Variants in BICD1 observed in about 807,000 individuals in gnomAD.
BICD1 encodes BICD cargo adaptor 1, also known as protein bicaudal D homolog 1.
BICD1 carries 35 observed loss-of-function variants against 92.5 expected under a neutral mutation model. The ratio of observed to expected loss-of-function variants is 0.38; its 90% confidence interval spans 0.29 to 0.50. BICD1 has a LOEUF of 0.50. BICD1 is among the 20% of genes least tolerant of loss of function. BICD1 has a pLI of 0.93. For synonymous variants in BICD1, 429 were observed against 465.1 expected (o/e 0.92, Z 1.00); for missense variants, 950 against 1,189.8 (o/e 0.80, Z 2.97).
At chr12:32,269,446 G>A (rs1947080525) in intron 2 of BICD1, among the ~76,000 whole-genome samples, 1 of 152,116 alleles carries the variant, frequency 6.6e-6, no homozygotes, top group African/African-American at 2.4e-5. Context: ...TATTAAGTGA[G>A]AACTTTAACA....
rs765654340 is a variant in BICD1, at chr12:32,346,657, T to TATACAC, written c.2764+7679_2764+7680insTACACA. ...ATACGTGTATATATATATATATATA[T>TATACAC]ACACACACACACGCACACACACACA... is the stretch of plus-strand genomic sequence containing the variant. On this transcript the variant is annotated intron_variant, in intron 8 of 9. Transcript: ENST00000652176. 6.1e-4 allele frequency among the ~76,000 whole-genome samples: 9 copies of TATACAC among 14,790 alleles called. 2 individuals are homozygous for TATACAC. Among genetic ancestry groups the TATACAC allele is most frequent in the Non-Finnish European group, 1.1e-3 (8 of 7,162 alleles). The allele number at this position is 14,790 out of a possible 152,430, so 9.7% of individuals were successfully genotyped here.
intron 2 of BICD1, among the ~76,000 whole-genome samples, chr12:32,263,456 G>C (rs1053638208): frequency 6.6e-6 from 1 of 150,932 alleles, no homozygotes; most frequent in Admixed American, 6.6e-5. Context: ...CTGAGGCAGA[G>C]AACTGGTTGA....
chr12:32,159,966 A>G (rs1592393054), intron 1 of BICD1, among the ~76,000 whole-genome samples: 1 of 152,208 alleles, frequency 6.6e-6, no homozygotes, highest in Non-Finnish European at 1.5e-5. Context: ...GGTCTCCACC[A>G]TTTCCTAGTT....
At chr12:32,198,324 ATCTATCTATATATATAT>A (rs1944788970) in intron 1 of BICD1, among the ~76,000 whole-genome samples, 1 of 57,838 alleles carries the variant, frequency 1.7e-5, no homozygotes, top group Non-Finnish European at 3.9e-5. Context: ...AATAATATGC[ATCTATCTATATATATAT>A]ATATATATAT....
chr12:32,307,254 A>G (rs1470619952), intron 4 of BICD1, among the ~76,000 whole-genome samples: 1 of 152,240 alleles, frequency 6.6e-6, no homozygotes, highest in Non-Finnish European at 1.5e-5. Flanking sequence ...GATTAAAAAT[A>G]CAGAACAGGT....
At position 32,115,386 on chromosome 12, in the gene BICD1, G is replaced by GTT. The variant is rs149711623; in HGVS notation, c.213+7842_213+7843insTT. On this transcript the variant is annotated intron_variant, in intron 1 of 9. Coordinates refer to ENST00000652176, the MANE Select transcript of BICD1 (RefSeq NM_001714.4). ...GGGTTTTTGTGTGTGTGGTGTTTTT[G>GTT]GTTTTTTTTTTTTTGCTGTTTTTCT... 3.6e-3 allele frequency among the ~76,000 whole-genome samples: 349 copies of GTT among 97,778 alleles called. 1 individual carries two copies. Among genetic ancestry groups the GTT allele is most frequent in the African/African-American group, 0.013 (317 of 24,738 alleles). The allele number at this position is 97,778 out of a possible 152,430, so 64.1% of individuals were successfully genotyped here.
intron 2 of BICD1, among the ~76,000 whole-genome samples, chr12:32,246,748 TC>T (rs1457478356): frequency 6.6e-6 from 1 of 152,204 alleles, no homozygotes; most frequent in African/African-American, 2.4e-5. Context: ...TTGAACACTG[TC>T]TTTTTGCCAG....
At position 32,130,360 on chromosome 12, in the gene BICD1, C is replaced by T. The variant is rs536307588; in HGVS notation, c.213+22816C>T. On this transcript the variant is annotated intron_variant, in intron 1 of 9. Transcript: ENST00000652176. ...CTGGGACTACAGGCGCCTGCCACCG[C>T]GCTCGGCTAACTTTTTGTGTTTTTA... Among the ~76,000 whole-genome samples the T allele has an allele frequency of 3.9e-5, 6 of 152,230 alleles. No individual in the cohort carries two copies. The South Asian group carries it at 1.0e-3, about 26-fold the overall frequency.
intron 2 of BICD1, among the ~76,000 whole-genome samples, chr12:32,260,348 T>C (rs1946826409): frequency 6.6e-6 from 1 of 152,246 alleles, no homozygotes; most frequent in Non-Finnish European, 1.5e-5. Flanking sequence ...CATTTGGAAC[T>C]GAGTTGTAGC....
intron 4 of BICD1, among the ~76,000 whole-genome samples, chr12:32,320,598 G>A (rs1176934762): frequency 6.6e-6 from 1 of 152,048 alleles, no homozygotes; most frequent in African/African-American, 2.4e-5. Context: ...CCAAGATCAC[G>A]CCACTGCACT....
intron 2 of BICD1, among the ~76,000 whole-genome samples, chr12:32,245,119 G>A (rs1331151707): frequency 6.6e-6 from 1 of 151,842 alleles, no homozygotes; most frequent in Non-Finnish European, 1.5e-5. Context: ...AAAAATAATA[G>A]TAAACAAATA....
At chr12:32,240,715 C>A (rs1477747183) in intron 2 of BICD1, among the ~76,000 whole-genome samples, 1 of 152,132 alleles carries the variant, frequency 6.6e-6, no homozygotes, top group African/African-American at 2.4e-5. Context: ...AATACTCAGC[C>A]ACAGAGGTGA....
intron 2 of BICD1, among the ~76,000 whole-genome samples, chr12:32,276,400 C>T (rs1279622321): frequency 1.3e-5 from 2 of 152,170 alleles, no homozygotes; most frequent in African/African-American, 4.8e-5. Context: ...AATCCCTAAG[C>T]CTAGCTGGGA....
chr12:32,357,664 T>TG (rs1234922272), intron 8 of BICD1, among the ~76,000 whole-genome samples: 1 of 152,188 alleles, frequency 6.6e-6, no homozygotes, highest in Non-Finnish European at 1.5e-5. Context: ...TGTTTTCTCC[T>TG]GAGGTCTCCG....
intron 8 of BICD1, among the ~76,000 whole-genome samples, chr12:32,351,498 A>G (rs1422012618): frequency 6.7e-6 from 1 of 150,016 alleles, no homozygotes; most frequent in Non-Finnish European, 1.5e-5. Flanking sequence ...AAAAAAAAAA[A>G]AAAAAAAAAA....
chr12:32,208,268 C>T (rs889241165), intron 1 of BICD1, among the ~76,000 whole-genome samples: 1 of 152,212 alleles, frequency 6.6e-6, no homozygotes, highest in African/African-American at 2.4e-5. Context: ...TTCCAAAGCA[C>T]GTCGTCTTTC....
chr12:32,152,952 T>C (rs1943331989), intron 1 of BICD1, among the ~76,000 whole-genome samples: 1 of 152,144 alleles, frequency 6.6e-6, no homozygotes, highest in Non-Finnish European at 1.5e-5. Context: ...AGAGGGTACA[T>C]GTGCAGGTTT....
At chr12:32,153,629 A>G (rs1274327795) in intron 1 of BICD1, among the ~76,000 whole-genome samples, 1 of 152,004 alleles carries the variant, frequency 6.6e-6, no homozygotes, top group Non-Finnish European at 1.5e-5. Flanking sequence ...GATGGCGTGC[A>G]CCTGTAGTCA....
At chr12:32,159,597 C>T (rs567063134) in intron 1 of BICD1, among the ~76,000 whole-genome samples, 3 of 152,072 alleles carry the variant, frequency 2.0e-5, no homozygotes, top group Non-Finnish European at 2.9e-5. Context: ...AACGTTCTGG[C>T]GAGAAATGTG....
Sources: allele counts gnomAD v4.1 joint callset (sites outside exome capture counted in the v4.1 genomes callset), GRCh38; gene constraint gnomAD v4.1.1; transcripts MANE v1.5; gene names NCBI Gene and HGNC (gene_info 2026-07-23, HGNC 2026-07-21).